Variants in MYZAP observed in about 807,000 individuals in gnomAD.
MYZAP encodes the protein myocardial zonula adherens protein.
Under a neutral mutation model 69.4 loss-of-function variants are expected in MYZAP, and 66 were observed. The ratio of observed to expected loss-of-function variants is 0.95; its 90% CI spans 0.78 to 1.17. The LOEUF is 1.17. Among genes scored for constraint, MYZAP ranks in the 50% most tolerant of loss-of-function variants. The pLI is 0.00. For synonymous variants in MYZAP, 256 were observed against 205.9 expected, an observed-to-expected ratio of 1.24 and a Z score of -2.09; for missense variants, 611 against 556.2, an observed-to-expected ratio of 1.10 and a Z score of -0.99.
At chr15:57,649,467 C>G (rs1302835363) in intron 10 of MYZAP, among the ~76,000 whole-genome samples, 1 of 152,190 alleles carries the variant, frequency 6.6e-6, no homozygotes, top group African/African-American at 2.4e-5. Context: ...GGTTGAGAAA[C>G]TTTTCTTAAG....
intron 3 of MYZAP, 85 bp downstream of exon 3, chr15:57,618,273 G>A (rs2035602873): frequency 6.6e-7 from 1 of 1,515,626 alleles, no homozygotes; most frequent in African/African-American, 1.4e-5. Context: ...TGAAGTGAAT[G>A]TAATAAGGCA....
At chr15:57,616,102 T>G (rs1238272218) in intron 2 of MYZAP, among the ~76,000 whole-genome samples, 1 of 152,276 alleles carries the variant, frequency 6.6e-6, no homozygotes, top group Non-Finnish European at 1.5e-5. Flanking sequence ...TCTAGACCTT[T>G]CTTTGATTTT....
chr15:57,594,281 A>G (rs1454063503), intron 1 of MYZAP, among the ~76,000 whole-genome samples: 1 of 152,018 alleles, frequency 6.6e-6, no homozygotes, highest in African/African-American at 2.4e-5. Flanking sequence ...ATGCTTGGCT[A>G]ATTTTTGTAT....
At chr15:57,679,172 G>A (rs1241686616) in intron 12 of MYZAP, among the ~76,000 whole-genome samples, 2 of 151,748 alleles carry the variant, frequency 1.3e-5, no homozygotes, top group Admixed American at 6.6e-5. Flanking sequence ...GTGAAACTCC[G>A]TCTCAAAAAA....
chr15:57,614,550 T>G (rs1187387737), intron 2 of MYZAP, among the ~76,000 whole-genome samples: 2 of 148,676 alleles, frequency 1.3e-5, no homozygotes, highest in African/African-American at 5.0e-5. Context: ...GTGACTACCT[T>G]GAAACAAGAA....
chr15:57,632,386 C>T (rs746897446), intron 6 of MYZAP, 48 bp from the exon 7 acceptor site: 9 of 1,612,140 alleles, frequency 5.6e-6, no homozygotes, highest in Non-Finnish European at 6.8e-6. Context: ...GCTGCCAATT[C>T]CTCTGGGCCC....
At chr15:57,628,445 T>C (rs182006344) in intron 5 of MYZAP, among the ~76,000 whole-genome samples, 12 of 151,760 alleles carry the variant, frequency 7.9e-5, no homozygotes, top group Non-Finnish European at 1.3e-4. Flanking sequence ...GGTTTTTAAA[T>C]TTTTTTTGTA....
intron 2 of MYZAP, among the ~76,000 whole-genome samples, chr15:57,605,303 A>G (rs573705578): frequency 1.3e-5 from 2 of 152,300 alleles, no homozygotes; most frequent in East Asian, 3.9e-4. Context: ...GAGACAAAGT[A>G]AAAGAAGGGG....
intron 1 of MYZAP, among the ~76,000 whole-genome samples, chr15:57,594,225 C>A (rs1312925062): frequency 6.6e-6 from 1 of 152,202 alleles, no homozygotes; most frequent in African/African-American, 2.4e-5. Flanking sequence ...AAGCAGTCCT[C>A]CTGCCTCAGC....
chr15:57,682,794 G>T (rs1399677680), intron 12 of MYZAP, among the ~76,000 whole-genome samples: 7 of 152,134 alleles, frequency 4.6e-5, no homozygotes, highest in African/African-American at 1.7e-4. Flanking sequence ...CAAACTGTGT[G>T]CTCACCCATC....
chr15:57,593,214 A>ACACACACACC (rs1172761785), intron 1 of MYZAP, among the ~76,000 whole-genome samples: 1,571 of 141,344 alleles, frequency 0.011, 28 homozygotes, highest in Admixed American at 0.017. Flanking sequence ...ACACACACAC[A>ACACACACACC]CCCCAGAATC....
chr15:57,632,426 C>G lies in MYZAP; in HGVS notation c.679-8C>G, dbSNP rs915196937. The G allele has an allele frequency of 2.5e-6, 4 of 1,613,960 alleles. No individual in the cohort carries two copies. Among genetic ancestry groups the G allele is most frequent in the Non-Finnish European group, 2.5e-6 (3 of 1,179,936 alleles). On this transcript the variant is annotated splice_polypyrimidine_tract_variant and splice_region_variant and intron_variant, in intron 6 of 12. Transcript: ENST00000267853. ...AAAGCTGTCGTTCTGAAATGAGTCT[C>G]GTTGTAGGTGGAATCGTCCCAAGAA...
chr15:57,594,886 C>G (rs1255402887), intron 1 of MYZAP, among the ~76,000 whole-genome samples: 1 of 152,164 alleles, frequency 6.6e-6, no homozygotes, highest in Non-Finnish European at 1.5e-5. Flanking sequence ...TCAGCAAATA[C>G]TGTATTGTTC....
intron 2 of MYZAP, among the ~76,000 whole-genome samples, chr15:57,617,795 A>G (rs141072501): frequency 0.015 from 2,251 of 152,332 alleles, 30 homozygotes; most frequent in South Asian, 0.045. Flanking sequence ...GTGAGTGGAC[A>G]GGCCCTTATA....
At chr15:57,621,552 A>G in intron 3 of MYZAP, 56 bp from the exon 4 acceptor site, 1 of 1,580,376 alleles carries the variant, frequency 6.3e-7, no homozygotes. Flanking sequence ...AGTTTTAGAA[A>G]TCTTGTATGA....
chr15:57,593,214 A>ACACACACACACCCCCCCCCC (rs1172761785), intron 1 of MYZAP, among the ~76,000 whole-genome samples: 2 of 141,346 alleles, frequency 1.4e-5, no homozygotes, highest in African/African-American at 5.6e-5. Context: ...ACACACACAC[A>ACACACACACACCCCCCCCCC]CCCCAGAATC....
intron 11 of MYZAP, among the ~76,000 whole-genome samples, chr15:57,668,890 A>T (rs199941090): frequency 1.1e-4 from 12 of 111,702 alleles, no homozygotes; most frequent in African/African-American, 5.2e-4. Flanking sequence ...ATATATATAT[A>T]TATATTTTTT....
Position 57,671,750 on chromosome 15 carries a change from AT to A in MYZAP, c.1204-3210del, listed in dbSNP as rs1235604305. Among the ~76,000 whole-genome samples, 281 of 150,904 alleles carry A rather than the reference AT, an allele frequency of 1.9e-3. 2 individuals are homozygous for A. Among genetic ancestry groups the A allele is most frequent in the African/African-American group, 6.4e-3 (263 of 41,106 alleles). The stretch of plus-strand genomic sequence containing the variant: ...CATTTAGTTCTTTTTTGTATTTTCT[AT>A]TTTTTTTACTACTTCATTAATTGTA... On this transcript the variant is annotated intron_variant, in intron 11 of 12. Coordinates refer to ENST00000267853, the MANE Select transcript of MYZAP (RefSeq NM_001018100.5).
At chr15:57,672,278 T>C (rs1221900498) in intron 11 of MYZAP, among the ~76,000 whole-genome samples, 1 of 152,192 alleles carries the variant, frequency 6.6e-6, no homozygotes, top group Non-Finnish European at 1.5e-5. Flanking sequence ...TATTTTACTT[T>C]ATCTCTACTG....
Sources: allele counts gnomAD v4.1 joint callset (sites outside exome capture counted in the v4.1 genomes callset), GRCh38; gene constraint gnomAD v4.1.1; transcripts MANE v1.5; gene names NCBI Gene and HGNC (gene_info 2026-07-23, HGNC 2026-07-21).